XRN2: variants seen among roughly 807,000 people sequenced by gnomAD.
The protein encoded by XRN2 is 5'-3' exoribonuclease 2.
A neutral mutation model predicts 138.5 loss-of-function variants in XRN2; 44 were observed. That is an observed-to-expected ratio of 0.32 (90% CI 0.25 to 0.41). The LOEUF is 0.41. Among genes scored for constraint, XRN2 ranks in the 10% least tolerant of loss-of-function variants. The pLI is 1.00. For synonymous variants in XRN2, 354 were observed against 369.4 expected (o/e 0.96, Z 0.48); for missense variants, 937 against 1,169.3 (o/e 0.80, Z 2.90).
At chr20:21,358,386 C>A (rs909264504) in intron 24 of XRN2, among the ~76,000 whole-genome samples, 1 of 152,108 alleles carries the variant, frequency 6.6e-6, no homozygotes, top group African/African-American at 2.4e-5. Flanking sequence ...TGTAATATGA[C>A]CATTTGGACT....
At chr20:21,354,906 G>A (rs1181645566) in intron 21 of XRN2, 34 bp downstream of exon 21, 2 of 1,543,828 alleles carry the variant, frequency 1.3e-6, no homozygotes, top group Non-Finnish European at 1.8e-6. Flanking sequence ...ACATTGATCT[G>A]TGTAATATAC....
chr20:21,339,154 C>T, intron 14 of XRN2, 66 bp downstream of exon 14: 1 of 1,477,556 alleles, frequency 6.8e-7, no homozygotes, highest in Non-Finnish European at 9.4e-7. Flanking sequence ...GGAAGATGTT[C>T]ATTACAGTAG....
chr20:21,345,549 ATCTGT>A (rs1389708584), intron 16 of XRN2, among the ~76,000 whole-genome samples: 2 of 152,154 alleles, frequency 1.3e-5, no homozygotes, highest in African/African-American at 4.8e-5. Flanking sequence ...GATGTTCTTG[ATCTGT>A]TCTGATGTTT....
At chr20:21,364,081 G>A (rs2038667462) in intron 24 of XRN2, among the ~76,000 whole-genome samples, 1 of 152,042 alleles carries the variant, frequency 6.6e-6, no homozygotes, top group South Asian at 2.1e-4. Context: ...ACAGGCGCCC[G>A]CCACCACGCC....
In XRN2 at chr20:21,351,125, C is replaced by T. The variant is rs528660881; in HGVS notation, c.1936+1664C>T. Reference sequence around the variant, plus strand: ...GTAGATAATTAAATATATAAACATGCAGGTGACTTGTCAACTCTGTCATTG... The same window carrying T: ...GTAGATAATTAAATATATAAACATGTAGGTGACTTGTCAACTCTGTCATTG... On this transcript the variant is annotated intron_variant, in intron 20 of 29. Coordinates refer to ENST00000377191, the MANE Select transcript of XRN2 (RefSeq NM_012255.5). 2.0e-5 allele frequency among the ~76,000 whole-genome samples: 3 copies of T among 152,268 alleles called. No homozygotes were observed. The East Asian group carries it at 5.8e-4, about 29-fold the overall frequency.
At chr20:21,373,498 A>G (rs1240598579) in intron 27 of XRN2, among the ~76,000 whole-genome samples, 4 of 152,240 alleles carry the variant, frequency 2.6e-5, no homozygotes, top group Non-Finnish European at 4.4e-5. Context: ...TGGAATTGCA[A>G]GACTGTAGGA....
chr20:21,371,438 C>CAG (rs1207338694), intron 27 of XRN2, among the ~76,000 whole-genome samples: 1 of 152,164 alleles, frequency 6.6e-6, no homozygotes, highest in Non-Finnish European at 1.5e-5. Context: ...AGAAGGGGCA[C>CAG]AGAGGTACAG....
intron 1 of XRN2, among the ~76,000 whole-genome samples, chr20:21,308,309 A>G (rs376226652): frequency 1.4e-4 from 21 of 152,354 alleles, no homozygotes; most frequent in African/African-American, 5.0e-4. Flanking sequence ...GAAACCTATG[A>G]ACATCTCTGT....
Position 21,365,638 on chromosome 20 carries a change from C to G in XRN2, c.2390C>G (p.Pro797Arg), listed in dbSNP as rs1444360697. 1 of 1,613,148 alleles carries G rather than the reference C, an allele frequency of 6.2e-7. No homozygotes were observed. Among genetic ancestry groups the G allele is most frequent in the Non-Finnish European group, 8.5e-7 (1 of 1,179,948 alleles). ...TCCAGCAATGGACGGCAGTGGAAGC[C>G]TCAGCTTGGCTTTAACCGTGACCGG... is the stretch of plus-strand genomic sequence containing the variant. ...EKSSNGRQWK[P>R]QLGFNRDRRP... Residue 797 changes from proline to arginine, a missense_variant, in exon 26 of 30, where the codon CCT becomes CGT. By Grantham distance (103) the Pro-to-Arg change is moderately radical. Around this residue, in one of 6 missense-constraint regions of XRN2, gnomAD observed 372 missense variants for 414.4 expected, o/e 0.90. Transcript: ENST00000377191.
At chr20:21,367,273 A>G (rs1438606255) in intron 26 of XRN2, among the ~76,000 whole-genome samples, 2 of 152,238 alleles carry the variant, frequency 1.3e-5, no homozygotes, top group Admixed American at 6.5e-5. Context: ...AAACAATAAC[A>G]GGTAAAGCTG....
Position 21,333,636 on chromosome 20 carries a change from T to C in XRN2, c.933+18T>C, listed in dbSNP as rs768318202. 4.3e-6 allele frequency: 7 copies of C among 1,613,724 alleles called. No individual in the cohort carries two copies. In the East Asian group the frequency reaches 1.6e-4, roughly 36 times the overall value. On this transcript the variant is annotated intron_variant, in intron 10 of 29. Coordinates refer to ENST00000377191, the MANE Select transcript of XRN2 (RefSeq NM_012255.5). ...TTCGTGAGGTATGTAGCAATAATCA[T>C]TGAAATCAGCACTCTAAAGCAGGGT...
chr20:21,336,773 T>G (rs2038300838), intron 13 of XRN2, among the ~76,000 whole-genome samples: 2 of 152,206 alleles, frequency 1.3e-5, no homozygotes, highest in Middle Eastern at 3.4e-3. Flanking sequence ...CTAAAGCAGG[T>G]GAGGAGGCAT....
intron 26 of XRN2, among the ~76,000 whole-genome samples, chr20:21,367,919 G>A (rs1234907271): frequency 1.3e-5 from 2 of 152,154 alleles, no homozygotes; most frequent in African/African-American, 4.8e-5. Context: ...AATAATTTTA[G>A]ATGAGCATAA....
chr20:21,314,453 C>T (rs778919878), intron 1 of XRN2, among the ~76,000 whole-genome samples: 2 of 152,110 alleles, frequency 1.3e-5, no homozygotes, highest in Non-Finnish European at 2.9e-5. Context: ...TATACCTAGG[C>T]GTAGAGTTGC....
At chr20:21,387,036 G>A in intron 29 of XRN2, 30 bp downstream of exon 29, 2 of 1,581,346 alleles carry the variant, frequency 1.3e-6, no homozygotes, top group Non-Finnish European at 1.7e-6. Context: ...AAAGTATACT[G>A]CTCACTTTAT....
chr20:21,372,013 T>C (rs1028314400), intron 27 of XRN2, among the ~76,000 whole-genome samples: 7 of 152,258 alleles, frequency 4.6e-5, no homozygotes, highest in African/African-American at 1.7e-4. Context: ...TAATGTGTAC[T>C]TACAAAGTAC....
In XRN2 at chr20:21,389,373, T is replaced by C. The variant is rs749259496; in HGVS notation, c.*35T>C. Reference sequence around the variant, plus strand: ...AAGCTTTCCCAAATCCTTTCATCATTCTACAGTTTTATGCTATTTGTGGAA... The same window carrying C: ...AAGCTTTCCCAAATCCTTTCATCATCCTACAGTTTTATGCTATTTGTGGAA... On this transcript the variant is annotated 3_prime_UTR_variant, in exon 30 of 30. Transcript: ENST00000377191. 11 of 1,586,614 alleles carry C rather than the reference T, an allele frequency of 6.9e-6. No individual in the cohort carries two copies. The highest frequency in any genetic ancestry group is 7.7e-6 in the Non-Finnish European group (9 of 1,163,346).
At chr20:21,374,655 A>G (rs2038798829) in intron 27 of XRN2, among the ~76,000 whole-genome samples, 1 of 152,056 alleles carries the variant, frequency 6.6e-6, no homozygotes, top group African/African-American at 2.4e-5. Context: ...AGTAAACCTA[A>G]TTTCTGGAAT....
At chr20:21,324,347 C>A (rs943839484) in intron 1 of XRN2, among the ~76,000 whole-genome samples, 1 of 152,138 alleles carries the variant, frequency 6.6e-6, no homozygotes, top group Non-Finnish European at 1.5e-5. Flanking sequence ...CCCGTGATTC[C>A]TTCTCAAAGA....
Sources: gnomAD v4.1 joint callset for allele counts (sites outside exome capture counted in the v4.1 genomes callset) on GRCh38, gnomAD v4.1.1 for gene constraint, gnomAD v4.1.1 regional missense constraint, MANE v1.5 for transcripts, NCBI Gene and HGNC (gene_info 2026-07-23, HGNC 2026-07-21) for gene names.